Variants in SGSM1 observed in about 807,000 individuals in gnomAD.
SGSM1 encodes small G protein signaling modulator 1.
In SGSM1, 73 loss-of-function variants were observed where a neutral mutation model predicts 133.8. The ratio of observed to expected loss-of-function variants is 0.55; its 90% CI spans 0.45 to 0.66. The LOEUF (loss-of-function observed/expected upper bound fraction) is 0.66. SGSM1 is among the 30% of genes least tolerant of loss of function. SGSM1 has a pLI of 0.00. For synonymous variants in SGSM1, 563 were observed against 573.0 expected, an observed-to-expected ratio of 0.98 and a Z score of 0.25; for missense variants, 1,213 against 1,448.1, an observed-to-expected ratio of 0.84 and a Z score of 2.64.
intron 2 of SGSM1, among the ~76,000 whole-genome samples, chr22:24,820,034 C>T (rs922518618): frequency 2.0e-5 from 3 of 151,966 alleles, no homozygotes; most frequent in Non-Finnish European, 2.9e-5. Flanking sequence ...GGAAGCCAGA[C>T]GCAAGCAGTG....
At chr22:24,878,724 T>G (rs1325063743) in intron 13 of SGSM1, among the ~76,000 whole-genome samples, 1 of 152,168 alleles carries the variant, frequency 6.6e-6, no homozygotes, top group Non-Finnish European at 1.5e-5. Flanking sequence ...AAAATTCCCA[T>G]GCAAGGAGAA....
At chr22:24,863,143 A>G (rs1416782285) in intron 9 of SGSM1, among the ~76,000 whole-genome samples, 1 of 152,114 alleles carries the variant, frequency 6.6e-6, no homozygotes, top group Non-Finnish European at 1.5e-5. Context: ...GGCACCTCAT[A>G]GGCACTGTTT....
At chr22:24,904,617 T>C (rs944546105) in intron 20 of SGSM1, among the ~76,000 whole-genome samples, 45 of 151,330 alleles carry the variant, frequency 3.0e-4, no homozygotes, top group African/African-American at 1.0e-3. Flanking sequence ...GGGTTGAGTA[T>C]ACAGTAAGAG....
intron 2 of SGSM1, among the ~76,000 whole-genome samples, chr22:24,828,008 C>T (rs1276792270): frequency 6.6e-6 from 1 of 152,028 alleles, no homozygotes; most frequent in East Asian, 1.9e-4. Context: ...CCACCTGGAC[C>T]TTTGTGGACC....
At chr22:24,906,141 T>G (rs1480585910) in intron 21 of SGSM1, among the ~76,000 whole-genome samples, 12 of 152,008 alleles carry the variant, frequency 7.9e-5, no homozygotes, top group Admixed American at 7.9e-4. Context: ...ATTCACTACA[T>G]TACTAAAATA....
chr22:24,810,357 C>T (rs1315530125), intron 2 of SGSM1, among the ~76,000 whole-genome samples: 1 of 150,884 alleles, frequency 6.6e-6, no homozygotes. Flanking sequence ...TTTTTTCCCT[C>T]TGTCCTCGGT....
At chr22:24,812,597 C>T (rs1258531970) in intron 2 of SGSM1, among the ~76,000 whole-genome samples, 1 of 152,144 alleles carries the variant, frequency 6.6e-6, no homozygotes, top group Admixed American at 6.5e-5. Context: ...TTGTGCAGGG[C>T]TGTATGTGCC....
Position 24,829,266 on chromosome 22 carries a change from G to A in SGSM1, c.64-15631G>A, listed in dbSNP as rs117335480. Among the ~76,000 whole-genome samples the A allele has an allele frequency of 4.2e-3, 634 of 152,018 alleles. 3 individuals carry two copies. Among genetic ancestry groups the A allele is most frequent in the South Asian group, 0.023 (112 of 4,822 alleles). ...GTGGAGATGGAGGCCATTATCCTTA[G>A]CAGACTAATGCAAAGCAGAAAAACA... On this transcript the variant is annotated intron_variant, in intron 2 of 24. Transcript: ENST00000400358.
intron 9 of SGSM1, among the ~76,000 whole-genome samples, chr22:24,863,316 C>T (rs1427879110): frequency 6.6e-6 from 1 of 152,146 alleles, no homozygotes; most frequent in Non-Finnish European, 1.5e-5. Context: ...ACCACTATGC[C>T]TGGCTAATTC....
At chr22:24,879,924 G>C (rs737722) in intron 14 of SGSM1, among the ~76,000 whole-genome samples, 1,766 of 152,226 alleles carry the variant, frequency 0.012, 17 homozygotes, top group African/African-American at 0.04. Context: ...TGGGCAGAAA[G>C]AGCAGAAAGA....
At chr22:24,892,656 C>G (rs1320476013) in intron 16 of SGSM1, among the ~76,000 whole-genome samples, 1 of 151,666 alleles carries the variant, frequency 6.6e-6, no homozygotes, top group Non-Finnish European at 1.5e-5. Context: ...TAGTTTGGTG[C>G]CTGGTATGTA....
chr22:24,863,534 C>T lies in SGSM1; in HGVS notation c.927-3559C>T, dbSNP rs528880683. On this transcript the variant is annotated intron_variant, in intron 9 of 24. Coordinates refer to ENST00000400358, the MANE Select transcript of SGSM1 (RefSeq NM_001098497.3). ...TGCCCAGGAGCTGGGGCATCTCTAG[C>T]CCTGGGCCATGAACTCCTGTCTATC... 1.6e-4 allele frequency among the ~76,000 whole-genome samples: 24 copies of T among 152,216 alleles called. No individual in the cohort carries two copies. In the South Asian group the frequency reaches 5.0e-3, roughly 32 times the overall value.
intron 24 of SGSM1, among the ~76,000 whole-genome samples, chr22:24,922,714 G>T (rs1934056188): frequency 1.3e-5 from 2 of 152,202 alleles, no homozygotes; most frequent in Admixed American, 6.5e-5. Flanking sequence ...CTGACCTCAT[G>T]ATCCACCCGC....
intron 2 of SGSM1, among the ~76,000 whole-genome samples, chr22:24,814,393 C>T (rs567562342): frequency 1.6e-4 from 25 of 152,094 alleles, no homozygotes; most frequent in African/African-American, 5.5e-4. Context: ...ATAAGGAAAT[C>T]GAGGCACAGA....
chr22:24,818,065 C>CACA (rs1316908577), intron 2 of SGSM1, among the ~76,000 whole-genome samples: 1 of 151,568 alleles, frequency 6.6e-6, no homozygotes. Context: ...AACCCTGTCT[C>CACA]TACTGAAAAT....
chr22:24,868,264 A>G (rs377702109), intron 10 of SGSM1, 112 bp from the exon 11 acceptor site: 2 of 1,419,944 alleles, frequency 1.4e-6, no homozygotes, highest in Admixed American at 2.5e-5. Context: ...GCCTCAGAGC[A>G]GGATCCCTGG....
chr22:24,817,278 G>A (rs1173556764), intron 2 of SGSM1, among the ~76,000 whole-genome samples: 4 of 152,144 alleles, frequency 2.6e-5, no homozygotes, highest in East Asian at 3.8e-4. Context: ...TCTATTCTAC[G>A]GGTGTGCAAA....
intron 13 of SGSM1, among the ~76,000 whole-genome samples, chr22:24,878,914 G>A (rs1204306938): frequency 1.3e-5 from 2 of 152,216 alleles, no homozygotes; most frequent in Non-Finnish European, 2.9e-5. Context: ...TAGAGGCACA[G>A]TGGCTTCAGG....
chr22:24,868,583 T>C (rs745789134), intron 11 of SGSM1, 44 bp downstream of exon 11: 1 of 1,612,854 alleles, frequency 6.2e-7, no homozygotes, highest in African/African-American at 1.3e-5. Flanking sequence ...TGGAGGCTGG[T>C]CACAGAGGGT....
Sources: allele counts gnomAD v4.1 joint callset (sites outside exome capture counted in the v4.1 genomes callset), GRCh38; gene constraint gnomAD v4.1.1; transcripts MANE v1.5; gene names NCBI Gene and HGNC (gene_info 2026-07-23, HGNC 2026-07-21).